Variants in AKAP9 observed in about 807,000 individuals in gnomAD.
AKAP9 encodes A-kinase anchoring protein 9, also known as A-kinase anchor protein 9.
A neutral mutation model predicts 488.5 loss-of-function variants in AKAP9; 311 were observed. That is an observed-to-expected ratio of 0.64 (90% CI 0.58 to 0.70). AKAP9 has a LOEUF of 0.70. Among genes scored for constraint, AKAP9 ranks in the 30% least tolerant of loss-of-function variants. The pLI is 0.00. For synonymous variants in AKAP9, 1,462 were observed against 1,483.5 expected, an observed-to-expected ratio of 0.99 and a Z score of 0.33; for missense variants, 4,215 against 4,374.5, an observed-to-expected ratio of 0.96 and a Z score of 1.03.
intron 2 of AKAP9, among the ~76,000 whole-genome samples, chr7:91,976,470 G>A (rs191425528): frequency 1.3e-5 from 2 of 152,034 alleles, no homozygotes; most frequent in East Asian, 3.9e-4. Context: ...TGATCTGCCT[G>A]CCTTAGCCTC....
intron 16 of AKAP9, among the ~76,000 whole-genome samples, chr7:92,034,498 A>ATTTTTTT (rs59961119): frequency 3.1e-5 from 3 of 95,456 alleles, no homozygotes; most frequent in Non-Finnish European, 6.0e-5. Flanking sequence ...ATATATATAT[A>ATTTTTTT]TTTTTTTTTT....
chr7:91,941,859 T>A (rs1207604396), intron 1 of AKAP9, among the ~76,000 whole-genome samples: 1 of 149,962 alleles, frequency 6.7e-6, no homozygotes, highest in Non-Finnish European at 1.5e-5. Flanking sequence ...TTAGTTGTTA[T>A]ATATCTCTCT....
In AKAP9 at chr7:91,997,129, A is replaced by G. The variant is rs113691002; in HGVS notation, c.930+1329A>G. 3.3e-5 allele frequency among the ~76,000 whole-genome samples: 5 copies of G among 152,376 alleles called. 1 individual carries two copies. The highest frequency in any genetic ancestry group is 1.2e-4 in the African/African-American group (5 of 41,592). ...TGAAATTATGAAAAATACATGCTTT[A>G]CCACTAAGGTAATTTAAAAATTATT... On this transcript the variant is annotated intron_variant, in intron 7 of 49. Coordinates refer to ENST00000356239, the MANE Select transcript of AKAP9 (RefSeq NM_005751.5).
rs1212268450 is a variant in AKAP9, at chr7:92,017,079, G to A, written c.3814G>A (p.Val1272Ile). 7 of 1,586,870 alleles carry A rather than the reference G, an allele frequency of 4.4e-6. No individual in the cohort carries two copies. Among genetic ancestry groups the A allele is most frequent in the African/African-American group, 1.3e-5 (1 of 74,314 alleles). The change falls in exon 12 of 50, where the codon GTA becomes ATA. Residue 1272 changes from valine (V) to isoleucine (I), a missense_variant. Physicochemically the swap from Val to Ile is conservative, Grantham distance 29. Around this residue, in one of 5 missense-constraint regions of AKAP9, gnomAD observed 2,361 missense variants for 2,430.0 expected, o/e 0.97. Coordinates refer to ENST00000356239, the MANE Select transcript of AKAP9 (RefSeq NM_005751.5). ...AACAGAAGAATACAACAAACTCTTG[G>A]TACTTCAAACACGACTAAGCAAGGT... ...KVTEEYNKLL[V>I]LQTRLSKIWG...
intron 38 of AKAP9, among the ~76,000 whole-genome samples, chr7:92,091,585 C>CAAA (rs796606265): frequency 0.026 from 568 of 22,022 alleles, 66 homozygotes; most frequent in African/African-American, 0.065. Flanking sequence ...GACTCTGTCT[C>CAAA]AAAAAAAAAA....
intron 8 of AKAP9, 145 bp from the exon 9 acceptor site, chr7:92,012,284 C>T: frequency 1.5e-6 from 1 of 676,224 alleles, no homozygotes. Context: ...TAGATCAATG[C>T]AACAGCACGA....
chr7:92,061,583 ACTAT>A (rs1380361052), intron 23 of AKAP9, among the ~76,000 whole-genome samples, 161 bp downstream of exon 23: 1 of 33,834 alleles, frequency 3.0e-5, no homozygotes. Flanking sequence ...AATTTTTAAA[ACTAT>A]ATATATATAT....
At chr7:92,036,466 A>T (rs1805219683) in intron 16 of AKAP9, among the ~76,000 whole-genome samples, 4 of 152,122 alleles carry the variant, frequency 2.6e-5, no homozygotes. Context: ...ATGTTTTTGT[A>T]GAGATGAGGT....
chr7:92,078,399 A>G (rs1158268801), intron 30 of AKAP9, among the ~76,000 whole-genome samples: 1 of 151,980 alleles, frequency 6.6e-6, no homozygotes, highest in Non-Finnish European at 1.5e-5. Flanking sequence ...AGGTGGGCGG[A>G]TTGCTTGGGC....
intron 31 of AKAP9, among the ~76,000 whole-genome samples, chr7:92,082,093 C>A (rs1020145599): frequency 4.6e-5 from 7 of 152,020 alleles, no homozygotes; most frequent in Non-Finnish European, 1.0e-4. Flanking sequence ...CACCACAACA[C>A]CTGGCTAATT....
intron 1 of AKAP9, among the ~76,000 whole-genome samples, chr7:91,948,613 T>TC (rs1791780134): frequency 4.0e-5 from 1 of 24,804 alleles, no homozygotes; most frequent in Admixed American, 5.1e-4. Flanking sequence ...TTCTTTTTTT[T>TC]TTTTTTTTTT....
rs1408184706 is a variant in AKAP9, at chr7:92,079,223, G to A, written c.7090G>A (p.Ala2364Thr). ...EVIEKLQQEL[A>T]NIGQKTSMNA... Reference sequence around the variant, plus strand: ...GATTGAAAAACTTCAACAGGAATTGGCAAATATTGGACAGAAGACATCAAT... The same window carrying A: ...GATTGAAAAACTTCAACAGGAATTGACAAATATTGGACAGAAGACATCAAT... Residue 2364 changes from alanine (A) to threonine (T), a missense_variant, in exon 31 of 50, where the codon GCA becomes ACA. Physicochemically the swap from Ala to Thr is moderately conservative, Grantham distance 58. Transcript: ENST00000356239. 6.2e-7 allele frequency: 1 copy of A among 1,614,018 alleles called. No homozygotes were observed. The highest frequency in any genetic ancestry group is 1.7e-5 in the Admixed American group (1 of 60,016).
intron 7 of AKAP9, among the ~76,000 whole-genome samples, chr7:91,998,241 A>T (rs538376150): frequency 1.3e-5 from 2 of 152,028 alleles, no homozygotes; most frequent in Non-Finnish European, 2.9e-5. Context: ...ACAGGCCCCA[A>T]CCGGTACCGG....
At chr7:91,991,246 C>T (rs759254854) in intron 3 of AKAP9, among the ~76,000 whole-genome samples, 1 of 152,046 alleles carries the variant, frequency 6.6e-6, no homozygotes, top group African/African-American at 2.4e-5. Context: ...AAGCTAATTG[C>T]AATTTAGAAG....
At chr7:92,025,919 A>G (rs896545247) in intron 14 of AKAP9, among the ~76,000 whole-genome samples, 5 of 152,204 alleles carry the variant, frequency 3.3e-5, no homozygotes, top group African/African-American at 1.2e-4. Flanking sequence ...TTCGAAGGTA[A>G]TGGTTGGGGA....
intron 1 of AKAP9, among the ~76,000 whole-genome samples, chr7:91,948,837 C>T (rs1397458810): frequency 6.6e-6 from 1 of 151,768 alleles, no homozygotes; most frequent in African/African-American, 2.4e-5. Flanking sequence ...TGGTCTTGAA[C>T]TCCTGACCTC....
Position 92,014,328 on chromosome 7 carries a change from G to C in AKAP9, c.3612G>C (p.Gln1204His). ...CTGAAGAATGTTCTTATTTTTTACAGGTAAAATGTTTAAAAGTACTTTTAT... is the reference window on the plus strand; with the variant it reads ...CTGAAGAATGTTCTTATTTTTTACACGTAAAATGTTTAAAAGTACTTTTAT... ...AVSEECSYFL[Q>H]TLCSVLGEYY... Residue 1204 changes from glutamine (Q) to histidine (H), a missense_variant and splice_region_variant, in exon 10 of 50, where the codon CAG becomes CAC. Gln to His is a conservative substitution (Grantham distance 24). Transcript: ENST00000356239. 1 of 1,605,302 alleles carries C rather than the reference G, an allele frequency of 6.2e-7. No homozygotes were observed. The highest frequency in any genetic ancestry group is 8.5e-7 in the Non-Finnish European group (1 of 1,172,866).
intron 47 of AKAP9, among the ~76,000 whole-genome samples, chr7:92,106,500 G>A (rs760383909): frequency 6.6e-6 from 1 of 152,150 alleles, no homozygotes; most frequent in African/African-American, 2.4e-5. Flanking sequence ...TTTAAGGCAC[G>A]GTTCAAGACA....
At chr7:92,073,693 G>A (rs1041070360) in intron 28 of AKAP9, among the ~76,000 whole-genome samples, 5 of 152,170 alleles carry the variant, frequency 3.3e-5, no homozygotes, top group Admixed American at 3.3e-4. Context: ...GAGCCTGACT[G>A]AATAAGAGGA....
Sources: allele counts gnomAD v4.1 joint callset (sites outside exome capture counted in the v4.1 genomes callset), GRCh38; gene constraint gnomAD v4.1.1; regional missense constraint gnomAD v4.1.1; transcripts MANE v1.5; gene names NCBI Gene and HGNC (gene_info 2026-07-23, HGNC 2026-07-21).